CD1B: variants seen among roughly 807,000 people sequenced by gnomAD.
CD1B encodes CD1b molecule, also known as T-cell surface glycoprotein CD1b.
CD1B carries 43 observed loss-of-function variants against 39.8 expected under a neutral mutation model. The observed-to-expected ratio is 1.08, with a 90% confidence interval of 0.85 to 1.39. The LOEUF (loss-of-function observed/expected upper bound fraction) is 1.39, where lower values mean the gene tolerates loss of function less well. Among genes scored for constraint, CD1B ranks in the 40% most tolerant of loss-of-function variants. CD1B has a pLI of 0.00. For missense variants in CD1B, 495 were observed against 403.8 expected (o/e 1.23, Z -1.94); for synonymous variants, 192 against 152.5 (o/e 1.26, Z -1.91).
At chr1:158,309,039 C>A in the CD1B span, among the ~76,000 whole-genome samples, 1 of 152,104 alleles carries the variant, frequency 6.6e-6, no homozygotes, top group African/African-American at 2.4e-5. Context: ...TCAGAGTGAA[C>A]AGGCAACCTA....
the CD1B span, among the ~76,000 whole-genome samples, chr1:158,321,374 C>T: frequency 1.7e-4 from 26 of 152,128 alleles, no homozygotes; most frequent in African/African-American, 6.0e-4. Flanking sequence ...TTTTCTATCC[C>T]TTCACTTTCA....
At chr1:158,312,145 T>C in the CD1B span, among the ~76,000 whole-genome samples, 1 of 152,164 alleles carries the variant, frequency 6.6e-6, no homozygotes. Flanking sequence ...ACGATATGAT[T>C]TGGCCCTGTG....
the CD1B span, among the ~76,000 whole-genome samples, chr1:158,288,555 C>T: frequency 6.6e-6 from 1 of 152,044 alleles, no homozygotes; most frequent in Non-Finnish European, 1.5e-5. Context: ...CCACATTTGG[C>T]CAACTTTTTA....
chr1:158,329,565 G>T lies in CD1B; in HGVS notation c.691C>A (p.Pro231Thr). 1 of 1,614,070 alleles carries T rather than the reference G, an allele frequency of 6.2e-7. No homozygotes were observed. The highest frequency in any genetic ancestry group is 8.5e-7 in the Non-Finnish European group (1 of 1,180,030). Residue 231 changes from proline to threonine, a missense_variant, in exon 4 of 6, where the codon CCA becomes ACA. By Grantham distance (38) the Pro-to-Thr change is conservative (BLOSUM62 -1). Coordinates refer to ENST00000368168, the MANE Select transcript of CD1B (RefSeq NM_001764.3). ...QLVCHVSGFY[P>T]KPVWVMWMRG... Reference sequence around the variant, plus strand: ...ATCCACATCACCCACACGGGCTTTGGGTAGAATCCTGAGACATGGCACACA... The same window carrying T: ...ATCCACATCACCCACACGGGCTTTGTGTAGAATCCTGAGACATGGCACACA...
the CD1B span, among the ~76,000 whole-genome samples, chr1:158,286,847 T>C: frequency 6.6e-6 from 1 of 152,288 alleles, no homozygotes; most frequent in African/African-American, 2.4e-5. Flanking sequence ...TTTGTTTTTT[T>C]TTCCTCACCC....
chr1:158,290,101 C>T, the CD1B span: 5 of 1,613,920 alleles, frequency 3.1e-6, no homozygotes, highest in East Asian at 2.2e-5. Flanking sequence ...AGCTCTTCTT[C>T]TCCCAGGTGG....
intron 4 of CD1B, 60 bp from the exon 5 acceptor site, chr1:158,329,074 G>A: frequency 5.1e-6 from 7 of 1,362,946 alleles, no homozygotes; most frequent in Non-Finnish European, 7.2e-6. Flanking sequence ...GAATTCCTTG[G>A]CCTTCCTTTG....
the CD1B span, among the ~76,000 whole-genome samples, chr1:158,321,446 A>T: frequency 1.3e-5 from 2 of 152,212 alleles, no homozygotes; most frequent in Non-Finnish European, 2.9e-5. Context: ...TTGAGTCTTT[A>T]AAAAAATCAA....
the CD1B span, among the ~76,000 whole-genome samples, chr1:158,311,008 C>G: frequency 3.9e-3 from 593 of 152,232 alleles, 4 homozygotes; most frequent in Admixed American, 6.5e-3. Context: ...CCACAACATG[C>G]AATTTACCCA....
the CD1B span, chr1:158,292,291 A>G: frequency 6.2e-7 from 1 of 1,614,174 alleles, no homozygotes; most frequent in African/African-American, 1.3e-5. Context: ...ACAGTGTATA[A>G]TCTCATAAGA....
the CD1B span, among the ~76,000 whole-genome samples, chr1:158,291,617 C>T: frequency 1.1e-4 from 17 of 152,140 alleles, no homozygotes. Flanking sequence ...TTATCTTCCA[C>T]CTGTGGTCTC....
chr1:158,329,262 C>T (rs1273563582), intron 4 of CD1B, 108 bp downstream of exon 4: 3 of 1,343,882 alleles, frequency 2.2e-6, no homozygotes, highest in Non-Finnish European at 3.1e-6. Flanking sequence ...ATCAATCAAT[C>T]AATCTCTCCC....
downstream of CD1B, among the ~76,000 whole-genome samples, chr1:158,324,271 G>A (rs1652276516): frequency 6.6e-6 from 1 of 152,168 alleles, no homozygotes; most frequent in African/African-American, 2.4e-5. Context: ...CTATCCAGGT[G>A]CTGGTCTGCA....
the CD1B span, chr1:158,290,066 T>C: frequency 6.2e-7 from 1 of 1,613,716 alleles, no homozygotes; most frequent in Non-Finnish European, 8.5e-7. Flanking sequence ...GCAAATGACA[T>C]GCTGTTTCTG....
chr1:158,291,245 G>A, the CD1B span: 1 of 1,614,100 alleles, frequency 6.2e-7, no homozygotes, highest in Non-Finnish European at 8.5e-7. Context: ...ACTCATGGCT[G>A]GGACAGTGAA....
the CD1B span, among the ~76,000 whole-genome samples, chr1:158,319,517 C>G: frequency 1.3e-5 from 2 of 152,300 alleles, no homozygotes; most frequent in South Asian, 2.1e-4. Context: ...AGCTCCATCA[C>G]TCCTTTAAGC....
At chr1:158,330,418 G>A (rs1057067660) in intron 2 of CD1B, 1 of 565,050 alleles carries the variant, frequency 1.8e-6, no homozygotes, top group Admixed American at 3.1e-5. Context: ...AGTGAGTGGA[G>A]GTTCCCAGCA....
At chr1:158,293,445 T>A in the CD1B span, 1 of 1,613,936 alleles carries the variant, frequency 6.2e-7, no homozygotes, top group Non-Finnish European at 8.5e-7. Flanking sequence ...CCATTCCTGT[T>A]CCTTCACAGC....
At chr1:158,315,330 C>T in the CD1B span, among the ~76,000 whole-genome samples, 1 of 151,828 alleles carries the variant, frequency 6.6e-6, no homozygotes, top group African/African-American at 2.4e-5. Context: ...TGTTTCCTGA[C>T]TTTTTAATGA....
Sources: gnomAD v4.1 joint callset for allele counts (sites outside exome capture counted in the v4.1 genomes callset) on GRCh38, gnomAD v4.1.1 for gene constraint, MANE v1.5 for transcripts, NCBI Gene and HGNC (gene_info 2026-07-23, HGNC 2026-07-21) for gene names.